Variants in MYO1E observed in about 807,000 individuals in gnomAD.
The protein encoded by MYO1E is myosin IE.
Under a neutral mutation model 151.1 loss-of-function variants are expected in MYO1E, and 68 were observed. The observed-to-expected ratio is 0.45, with a 90% CI of 0.37 to 0.55. MYO1E has a LOEUF of 0.55. Among genes scored for constraint, MYO1E ranks in the 20% least tolerant of loss-of-function variants. The probability of loss-of-function intolerance (pLI) is 0.00; values close to 1 mark genes in which losing one functional copy is unlikely to be tolerated. For missense variants in MYO1E, 1,363 were observed against 1,389.3 expected (o/e 0.98, Z 0.30); for synonymous variants, 601 against 501.7 (o/e 1.20, Z -2.64).
intron 1 of MYO1E, among the ~76,000 whole-genome samples, chr15:59,312,529 A>G (rs1281387715): frequency 6.6e-6 from 1 of 152,114 alleles, no homozygotes; most frequent in Non-Finnish European, 1.5e-5. Context: ...TAAGAGACAG[A>G]ATCTTGCTCC....
At chr15:59,229,096 T>A (rs1311536741) in intron 6 of MYO1E, among the ~76,000 whole-genome samples, 1 of 152,302 alleles carries the variant, frequency 6.6e-6, no homozygotes, top group African/African-American at 2.4e-5. Context: ...CCTTTCCTTT[T>A]GGCATGTGAT....
At chr15:59,324,664 C>CA in intron 1 of MYO1E, among the ~76,000 whole-genome samples, 2 of 1,188 alleles carry the variant, frequency 1.7e-3, no homozygotes, top group African/African-American at 1.9e-3. Flanking sequence ...CCATCCCAAG[C>CA]CCCCCCCCCA....
chr15:59,171,862 A>G, intron 22 of MYO1E, 35 bp downstream of exon 22: 1 of 1,613,942 alleles, frequency 6.2e-7, no homozygotes, highest in Admixed American at 1.7e-5. Context: ...TGAGGCGAGA[A>G]GGGGCAGTCC....
rs767245919 is a variant in MYO1E at position 59,173,826 on chromosome 15, G to A, written c.2254C>T (p.Pro752Ser). 1 of 1,613,818 alleles carries A rather than the reference G, an allele frequency of 6.2e-7. No individual in the cohort carries two copies. Among genetic ancestry groups the A allele is most frequent in the African/African-American group, 1.3e-5 (1 of 74,866 alleles). ...TTGCCCACGAACTGCTGGAGTTCTG[G>A]GTGCTCTTCCATCCCAATATAATCC... ...IGDYIGMEEH[P>S]ELQQFVGKRE... Residue 752 changes from proline (P) to serine (S), a missense_variant, in exon 21 of 28, where the codon CCA (proline) becomes TCA (serine). Pro to Ser is a moderately conservative substitution (Grantham distance 74). Transcript: ENST00000288235.
intron 11 of MYO1E, 111 bp downstream of exon 11, chr15:59,214,529 G>T: frequency 2.7e-6 from 3 of 1,128,414 alleles, no homozygotes; most frequent in Admixed American, 1.7e-5. Context: ...TTTTTTTGTT[G>T]TTGTGGTTTG....
At chr15:59,369,042 G>A (rs1372588365) in intron 1 of MYO1E, among the ~76,000 whole-genome samples, 4 of 152,060 alleles carry the variant, frequency 2.6e-5, no homozygotes, top group Admixed American at 6.6e-5. Context: ...TTGTTTTGTT[G>A]TATTGTGTTG....
At position 59,325,035 on chromosome 15, in the gene MYO1E, C is replaced by CT. The variant is rs869296862; in HGVS notation, c.3+47462dup. ...ATTTAAATGAATTCAATTTCCTTTT[C>CT]TTTTTTTTTTTTATTTCTGGGACAG... On this transcript the variant is annotated intron_variant, in intron 1 of 27. Coordinates refer to ENST00000288235, the MANE Select transcript of MYO1E (RefSeq NM_004998.4). Among the ~76,000 whole-genome samples, 877 of 141,164 alleles carry CT rather than the reference C, an allele frequency of 6.2e-3. 17 individuals carry two copies. The highest frequency in any genetic ancestry group is 0.053 in the East Asian group (257 of 4,846). 92.6% of individuals were successfully genotyped at this position (141,164 alleles called of 152,430 possible).
chr15:59,313,310 C>T (rs2080564195), intron 1 of MYO1E, among the ~76,000 whole-genome samples: 1 of 152,164 alleles, frequency 6.6e-6, no homozygotes, highest in South Asian at 2.1e-4. Context: ...AGCCACCTGA[C>T]TGCCAGGAAG....
At chr15:59,260,821 A>C (rs1431066777) in intron 3 of MYO1E, among the ~76,000 whole-genome samples, 3 of 152,092 alleles carry the variant, frequency 2.0e-5, no homozygotes, top group South Asian at 2.1e-4. Flanking sequence ...GCATATATGG[A>C]AGCAGGAAGA....
intron 6 of MYO1E, among the ~76,000 whole-genome samples, chr15:59,227,832 C>T (rs986179681): frequency 2.6e-5 from 4 of 152,172 alleles, no homozygotes; most frequent in African/African-American, 9.7e-5. Context: ...TAAGGATATG[C>T]TCTATTCCTT....
In MYO1E at chr15:59,188,229, G is replaced by A. The variant is rs765918034; in HGVS notation, c.1806-13C>T. 2.5e-6 allele frequency: 4 copies of A among 1,602,340 alleles called. No individual in the cohort carries two copies. Among genetic ancestry groups the A allele is most frequent in the Non-Finnish European group, 3.4e-6 (4 of 1,169,522 alleles). ...TTGATGCTTTACCCTGTGCAAAGGA[G>A]AAAATGGGGCCTGGACATTACTGGA... On this transcript the variant is annotated splice_polypyrimidine_tract_variant and intron_variant, in intron 17 of 27. Coordinates refer to ENST00000288235, the MANE Select transcript of MYO1E (RefSeq NM_004998.4).
intron 1 of MYO1E, among the ~76,000 whole-genome samples, chr15:59,344,586 C>T (rs1190258561): frequency 6.6e-6 from 1 of 152,208 alleles, no homozygotes; most frequent in African/African-American, 2.4e-5. Flanking sequence ...GTGTCCTTTC[C>T]TTCAGGACAG....
rs539963253 is a variant in MYO1E at position 59,137,402 on chromosome 15, T to C, written c.3305A>G (p.Asn1102Ser). Residue 1102 changes from asparagine (N) to serine (S), a missense_variant, in exon 28 of 28, where the codon AAC becomes AGC. Transcript: ENST00000288235. ...RLRGKQGLFP[N>S]NYVTKI ...ACCTCAGATCTTGGTCACATAGTTG[T>C]TGGGGAACAGGCCCTGCTTGCCTCG... 24 of 1,614,172 alleles carry C rather than the reference T, an allele frequency of 1.5e-5. 1 individual carries two copies. The South Asian group carries it at 2.4e-4, about 16-fold the overall frequency.
intron 22 of MYO1E, among the ~76,000 whole-genome samples, chr15:59,170,665 G>A (rs1189678343): frequency 6.6e-6 from 1 of 152,050 alleles, no homozygotes; most frequent in Non-Finnish European, 1.5e-5. Flanking sequence ...GGACTCATCT[G>A]CTTAGCAACT....
chr15:59,358,649 T>G (rs1328468475), intron 1 of MYO1E, among the ~76,000 whole-genome samples: 1 of 152,234 alleles, frequency 6.6e-6, no homozygotes, highest in Non-Finnish European at 1.5e-5. Context: ...CTAATTAATA[T>G]CAATGTATCC....
chr15:59,268,436 G>A (rs760079937), intron 2 of MYO1E, among the ~76,000 whole-genome samples: 11 of 152,076 alleles, frequency 7.2e-5, no homozygotes, highest in Non-Finnish European at 1.3e-4. Context: ...ATTCAAAGGC[G>A]CATAAACAGC....
chr15:59,277,587 T>C (rs1158732673), intron 1 of MYO1E, among the ~76,000 whole-genome samples: 1 of 107,174 alleles, frequency 9.3e-6, no homozygotes, highest in Non-Finnish European at 2.2e-5. Context: ...CAAAGCCTCA[T>C]CCTCTTTGAG....
At chr15:59,201,463 C>G (rs181260208) in intron 16 of MYO1E, among the ~76,000 whole-genome samples, 10 of 144,866 alleles carry the variant, frequency 6.9e-5, no homozygotes, top group African/African-American at 2.6e-4. Flanking sequence ...GGAGTGCAAT[C>G]GCGCAATCTT....
At chr15:59,339,103 G>A (rs1339496124) in intron 1 of MYO1E, among the ~76,000 whole-genome samples, 5 of 152,242 alleles carry the variant, frequency 3.3e-5, no homozygotes, top group African/African-American at 1.2e-4. Context: ...CTGCACTCCA[G>A]CCTGGGTGGC....
Sources: allele counts gnomAD v4.1 joint callset (sites outside exome capture counted in the v4.1 genomes callset), GRCh38; gene constraint gnomAD v4.1.1; transcripts MANE v1.5; gene names NCBI Gene and HGNC (gene_info 2026-07-23, HGNC 2026-07-21).